The following KCNG2 variants were observed in gnomAD, a reference collection of about 807,000 sequenced individuals.
The protein encoded by KCNG2 is voltage-gated potassium channel regulatory subunit KCNG2.
KCNG2 carries 7 observed loss-of-function variants against 12.3 expected under a neutral mutation model. The ratio of observed to expected loss-of-function variants is 0.57; its 90% confidence interval spans 0.32 to 1.07. The LOEUF (loss-of-function observed/expected upper bound fraction) is 1.07. Among genes scored for constraint, KCNG2 ranks in the 50% least tolerant of loss-of-function variants. KCNG2 has a pLI of 0.04. For synonymous variants in KCNG2, 414 were observed against 351.4 expected (o/e 1.18, Z -1.99); for missense variants, 703 against 726.0 (o/e 0.97, Z 0.36).
At chr18:79,875,605 T>C (rs1003196246) in intron 3 of KCNG2, among the ~76,000 whole-genome samples, 1 of 152,092 alleles carries the variant, frequency 6.6e-6, no homozygotes, top group Non-Finnish European at 1.5e-5. Context: ...CCCTACACGG[T>C]GGCACCACAG....
At chr18:79,883,679 C>G (rs1459883085) in intron 3 of KCNG2, among the ~76,000 whole-genome samples, 1 of 152,182 alleles carries the variant, frequency 6.6e-6, no homozygotes, top group Non-Finnish European at 1.5e-5. Flanking sequence ...AGGGGCCTGT[C>G]TGGCAAAGGT....
intron 1 of KCNG2, among the ~76,000 whole-genome samples, chr18:79,817,922 G>C (rs1599368605): frequency 6.6e-6 from 1 of 152,340 alleles, no homozygotes; most frequent in Middle Eastern, 3.4e-3. Context: ...GCTGTGAGGT[G>C]GTGAATTGGG....
chr18:79,850,425 ATTTC>A (rs1489225176), intron 1 of KCNG2, among the ~76,000 whole-genome samples: 2 of 152,154 alleles, frequency 1.3e-5, no homozygotes, highest in African/African-American at 4.8e-5. Flanking sequence ...CAGAGTTCCT[ATTTC>A]TTAAGTCAAT....
rs533551387 is a variant in KCNG2 at position 79,891,393 on chromosome 18, G to C, written c.625-7647G>C. On this transcript the variant is annotated intron_variant, in intron 3 of 3. Transcript: ENST00000316249. ...CTGCAGGCATGAACCACCACACCCA[G>C]CTAATTTTTGTATGTCTCGTAGAGA... Among the ~76,000 whole-genome samples, 443 of 152,098 alleles carry C rather than the reference G, an allele frequency of 2.9e-3. 1 individual carries two copies. The highest frequency in any genetic ancestry group is 4.9e-3 in the Non-Finnish European group (331 of 67,972).
At chr18:79,890,130 CT>C (rs1257041129) in intron 3 of KCNG2, among the ~76,000 whole-genome samples, 1 of 152,052 alleles carries the variant, frequency 6.6e-6, no homozygotes, top group Non-Finnish European at 1.5e-5. Flanking sequence ...TTGATATTTT[CT>C]TGAATCTTTT....
rs766940338 is a variant in KCNG2 at position 79,864,109 on chromosome 18, C to G, written c.442C>G (p.Arg148Gly). Reference sequence around the variant, plus strand: ...GCGCGGGGCGCAGGGGAGCCCGGCGCGCGCCCTGGGACCTCGGGGGCGGCT... The same window carrying G: ...GCGCGGGGCGCAGGGGAGCCCGGCGGGCGCCCTGGGACCTCGGGGGCGGCT... ...TERGAQGSPA[R>G]ALGPRGRLQR... Residue 148 changes from arginine to glycine, a missense_variant, in exon 3 of 4, where the codon CGC becomes GGC. By Grantham distance (125) the Arg-to-Gly change is moderately radical. Transcript: ENST00000316249. The G allele has an allele frequency of 1.3e-5, 15 of 1,140,890 alleles. No homozygotes were observed. In the South Asian group the frequency reaches 3.4e-4, roughly 26 times the overall value. The allele number at this position is 1,140,890 out of a possible 1,614,324, so 70.7% of individuals were successfully genotyped here.
chr18:79,900,046 T>G lies in KCNG2; in HGVS notation c.*230T>G, dbSNP rs1200491402. The G allele has an allele frequency of 2.7e-6, 1 of 368,808 alleles. No individual in the cohort carries two copies. Among genetic ancestry groups the G allele is most frequent in the Non-Finnish European group, 4.8e-6 (1 of 208,304 alleles). The allele number at this position is 368,808 out of a possible 1,614,324, so 22.8% of individuals were successfully genotyped here. A position where few individuals can be genotyped will look rare whatever the true frequency, so the allele number is the denominator to read the frequency against. ...TTGTCCTCCTGCCCCACCCCTTTCC[T>G]TGGATTTTTAATTTTCTACGCCTAG... On this transcript the variant is annotated 3_prime_UTR_variant, in exon 4 of 4. Coordinates refer to ENST00000316249, the MANE Select transcript of KCNG2 (RefSeq NM_012283.2).
At chr18:79,825,243 T>A (rs774753106) in intron 1 of KCNG2, among the ~76,000 whole-genome samples, 9 of 152,242 alleles carry the variant, frequency 5.9e-5, no homozygotes, top group Non-Finnish European at 1.2e-4. Context: ...CAAAGAGGAC[T>A]GCACAGTGTC....
chr18:79,854,065 C>T (rs527875644), intron 1 of KCNG2, among the ~76,000 whole-genome samples: 19 of 152,242 alleles, frequency 1.2e-4, no homozygotes, highest in African/African-American at 4.1e-4. Context: ...GTTCTGCAGG[C>T]GGCCCCTGGG....
chr18:79,899,885 C>G lies in KCNG2; in HGVS notation c.*69C>G. 7.9e-7 allele frequency: 1 copy of G among 1,267,258 alleles called. No individual in the cohort carries two copies. The highest frequency in any genetic ancestry group is 1.0e-6 in the Non-Finnish European group (1 of 1,002,500). The allele number at this position is 1,267,258 out of a possible 1,614,324, so 78.5% of individuals were successfully genotyped here. ...CAGCGTCGGGACCCCCGAGGTGCGC[C>G]AAGGGGTGGGGGGCGTCTGGCCTGG... On this transcript the variant is annotated 3_prime_UTR_variant, in exon 4 of 4. Transcript: ENST00000316249.
chr18:79,883,114 A>G (rs1482060594), intron 3 of KCNG2, among the ~76,000 whole-genome samples: 1 of 152,236 alleles, frequency 6.6e-6, no homozygotes, highest in Non-Finnish European at 1.5e-5. Flanking sequence ...GGTGAAAAGC[A>G]GCAAAGGGTG....
rs193213815 is a variant in KCNG2, at chr18:79,882,317, T to C, written c.625-16723T>C. On this transcript the variant is annotated intron_variant, in intron 3 of 3. Coordinates refer to ENST00000316249, the MANE Select transcript of KCNG2 (RefSeq NM_012283.2). ...TCAGCCCAGGAGTTCACGACCAGCC[T>C]GGGCAATATAGCAAGACCCTCATCT... Among the ~76,000 whole-genome samples, 1,147 of 152,338 alleles carry C rather than the reference T, an allele frequency of 7.5e-3. 9 individuals carry two copies. Among genetic ancestry groups the C allele is most frequent in the Non-Finnish European group, 0.011 (765 of 68,032 alleles).
At chr18:79,889,950 C>A (rs1980688815) in intron 3 of KCNG2, among the ~76,000 whole-genome samples, 1 of 152,146 alleles carries the variant, frequency 6.6e-6, no homozygotes, top group African/African-American at 2.4e-5. Context: ...TTGTCAAAAG[C>A]TTTTTTTCTT....
chr18:79,857,786 C>A (rs908486826), intron 2 of KCNG2, among the ~76,000 whole-genome samples: 2 of 151,908 alleles, frequency 1.3e-5, no homozygotes, highest in East Asian at 3.9e-4. Flanking sequence ...ATTCACCTAA[C>A]GTTATATTTA....
intron 1 of KCNG2, among the ~76,000 whole-genome samples, chr18:79,806,052 T>C (rs1177820860): frequency 6.6e-6 from 1 of 152,112 alleles, no homozygotes; most frequent in Non-Finnish European, 1.5e-5. Flanking sequence ...AGGAGGCGGC[T>C]GGGATAGCCC....
chr18:79,810,733 C>T (rs1412629980), intron 1 of KCNG2, among the ~76,000 whole-genome samples: 3 of 152,200 alleles, frequency 2.0e-5, no homozygotes, highest in Non-Finnish European at 4.4e-5. Flanking sequence ...CATCACACTC[C>T]AGTCTGGGTG....
At chr18:79,821,612 G>C (rs897637966) in intron 1 of KCNG2, among the ~76,000 whole-genome samples, 10 of 152,124 alleles carry the variant, frequency 6.6e-5, no homozygotes, top group Non-Finnish European at 1.5e-4. Flanking sequence ...TGTGTATATG[G>C]GGTGGGGTAG....
chr18:79,844,133 T>A (rs529231032), intron 1 of KCNG2, among the ~76,000 whole-genome samples: 2 of 152,178 alleles, frequency 1.3e-5, no homozygotes, highest in East Asian at 3.8e-4. Context: ...TGTAGCATCA[T>A]TCACAATAGC....
Position 79,899,869 on chromosome 18 carries a change from G to A in KCNG2, c.*53G>A, listed in dbSNP as rs1981152741. On this transcript the variant is annotated 3_prime_UTR_variant, in exon 4 of 4. Coordinates refer to ENST00000316249, the MANE Select transcript of KCNG2 (RefSeq NM_012283.2). Reference sequence around the variant, plus strand: ...CTGCCCCCTCCAGCTGCAGCGTCGGGACCCCCGAGGTGCGCCAAGGGGTGG... The same window carrying A: ...CTGCCCCCTCCAGCTGCAGCGTCGGAACCCCCGAGGTGCGCCAAGGGGTGG... 2 of 1,290,228 alleles carry A rather than the reference G, an allele frequency of 1.6e-6. No homozygotes were observed. The highest frequency in any genetic ancestry group is 2.3e-5 in the South Asian group (1 of 43,004). The allele number at this position is 1,290,228 out of a possible 1,614,324, so 79.9% of individuals were successfully genotyped here.
Sources: allele counts gnomAD v4.1 joint callset (sites outside exome capture counted in the v4.1 genomes callset), GRCh38; gene constraint gnomAD v4.1.1; transcripts MANE v1.5; gene names NCBI Gene and HGNC (gene_info 2026-07-23, HGNC 2026-07-21).